Variants in DNAH14 observed in about 807,000 individuals in gnomAD.
DNAH14 encodes the protein dynein axonemal heavy chain 14, also known as axonemal beta dynein heavy chain 14.
A neutral mutation model predicts 520.9 loss-of-function variants in DNAH14; 478 were observed. The observed-to-expected ratio is 0.92, with a 90% confidence interval of 0.85 to 0.99. The LOEUF is 0.99. Among genes scored for constraint, DNAH14 ranks in the 50% least tolerant of loss-of-function variants. DNAH14 has a pLI of 0.00. For missense variants in DNAH14, 4,831 were observed against 5,234.5 expected, an observed-to-expected ratio of 0.92 and a Z score of 2.38; for synonymous variants, 1,581 against 1,757.2, an observed-to-expected ratio of 0.90 and a Z score of 2.51.
At chr1:225,323,410 A>G (rs1011903372) in intron 62 of DNAH14, among the ~76,000 whole-genome samples, 6 of 152,352 alleles carry the variant, frequency 3.9e-5, no homozygotes. Flanking sequence ...TAGCAATAGC[A>G]GGATGTTAAC....
intron 83 of DNAH14, 101 bp from the exon 84 acceptor site, chr1:225,392,190 C>A: frequency 7.3e-7 from 1 of 1,365,256 alleles, no homozygotes; most frequent in Non-Finnish European, 9.9e-7. Context: ...TCTTTTTCCT[C>A]CACTCTTCCC....
intron 20 of DNAH14, among the ~76,000 whole-genome samples, chr1:225,085,126 C>T (rs530899185): frequency 4.3e-4 from 65 of 152,090 alleles, no homozygotes; most frequent in Admixed American, 9.8e-4. Context: ...TTAACACCAT[C>T]GAGATGACAT....
intron 1 of DNAH14, among the ~76,000 whole-genome samples, chr1:224,932,705 GTTC>G (rs1210105701): frequency 6.6e-6 from 1 of 152,048 alleles, no homozygotes; most frequent in Non-Finnish European, 1.5e-5. Context: ...TCCAATGTAG[GTTC>G]TTGTCAGTTT....
chr1:225,102,158 G>T (rs1251488061), intron 23 of DNAH14, among the ~76,000 whole-genome samples: 2 of 150,496 alleles, frequency 1.3e-5, no homozygotes, highest in Admixed American at 1.3e-4. Context: ...TTTTCTCCTT[G>T]CGATAGTTTG....
intron 17 of DNAH14, among the ~76,000 whole-genome samples, chr1:225,055,849 C>T (rs1400262635): frequency 1.3e-5 from 2 of 151,924 alleles, no homozygotes; most frequent in Admixed American, 6.6e-5. Context: ...TCCATGTCCC[C>T]ACAAAGGACA....
chr1:225,122,987 C>T (rs1057146883), intron 26 of DNAH14, among the ~76,000 whole-genome samples: 3 of 151,914 alleles, frequency 2.0e-5, no homozygotes, highest in East Asian at 3.9e-4. Flanking sequence ...TATCATTGAC[C>T]GATTTGACTA....
intron 20 of DNAH14, 70 bp from the exon 21 acceptor site, chr1:225,085,474 A>G (rs2073652310): frequency 7.3e-7 from 1 of 1,364,178 alleles, no homozygotes; most frequent in Non-Finnish European, 9.8e-7. Context: ...TTGCATTTAA[A>G]ATTTCCATTT....
intron 58 of DNAH14, among the ~76,000 whole-genome samples, chr1:225,306,078 G>A (rs2094235381): frequency 1.3e-5 from 2 of 152,234 alleles, no homozygotes; most frequent in South Asian, 4.1e-4. Context: ...AGGGCAATGT[G>A]ATATTTCATC....
chr1:225,138,954 C>T (rs2079198471), intron 27 of DNAH14, among the ~76,000 whole-genome samples: 1 of 151,868 alleles, frequency 6.6e-6, no homozygotes, highest in African/African-American at 2.4e-5. Flanking sequence ...TCTAATCGGT[C>T]ATCTTAACCC....
chr1:225,124,843 A>G (rs1476680282), intron 27 of DNAH14, among the ~76,000 whole-genome samples: 2 of 152,174 alleles, frequency 1.3e-5, no homozygotes, highest in Non-Finnish European at 2.9e-5. Flanking sequence ...ATCACTATCT[A>G]TGGAAGCTAT....
At chr1:225,388,551 T>A (rs2095867654) in intron 82 of DNAH14, 60 bp downstream of exon 82, 1 of 977,094 alleles carries the variant, frequency 1.0e-6, no homozygotes. Context: ...CAAAGGTTTA[T>A]GACATCATTT....
chr1:225,344,692 T>TTTATTTATTTAC (rs1336093016), intron 69 of DNAH14, among the ~76,000 whole-genome samples: 3,318 of 11,326 alleles, frequency 0.29, 222 homozygotes, highest in East Asian at 0.56. Flanking sequence ...TAGCCATTCT[T>TTTATTTATTTAC]TTATTTATTT....
intron 23 of DNAH14, among the ~76,000 whole-genome samples, chr1:225,114,904 C>T (rs2076755939): frequency 6.6e-6 from 1 of 152,168 alleles, no homozygotes; most frequent in South Asian, 2.1e-4. Flanking sequence ...TCTTAAGTGT[C>T]TCTTTCAGCA....
intron 43 of DNAH14, among the ~76,000 whole-genome samples, chr1:225,242,082 T>A (rs1268255935): frequency 6.6e-6 from 1 of 151,906 alleles, no homozygotes; most frequent in African/African-American, 2.4e-5. Context: ...AGTGAATAAA[T>A]AAAAAGCCAG....
rs977722235 is a variant in DNAH14 at position 225,303,080 on chromosome 1, C to T, written c.8632-76C>T. The T allele has an allele frequency of 1.2e-5, 13 of 1,100,392 alleles. No homozygotes were observed. The African/African-American group carries it at 2.1e-4, about 17-fold the overall frequency. The allele number at this position is 1,100,392 out of a possible 1,614,324, so 68.2% of individuals were successfully genotyped here. A position where few individuals can be genotyped will look rare whatever the true frequency, so the allele number is the denominator to read the frequency against. Reference sequence around the variant, plus strand: ...AAGGAAAGATCTGAAATATGTTTTCCATGGAATTTTTAATATAATATTTTT... The same window carrying T: ...AAGGAAAGATCTGAAATATGTTTTCTATGGAATTTTTAATATAATATTTTT... On this transcript the variant is annotated intron_variant, in intron 56 of 85. Coordinates refer to ENST00000682510, the MANE Select transcript of DNAH14 (RefSeq NM_001367479.1).
chr1:225,344,374 TCTC>T (rs1194148041), intron 69 of DNAH14, among the ~76,000 whole-genome samples: 1 of 152,148 alleles, frequency 6.6e-6, no homozygotes, highest in Non-Finnish European at 1.5e-5. Flanking sequence ...TTCTCTCCCT[TCTC>T]CTACTCACTA....
chr1:225,098,964 C>T (rs761748824), intron 22 of DNAH14, among the ~76,000 whole-genome samples: 1 of 152,054 alleles, frequency 6.6e-6, no homozygotes, highest in Admixed American at 6.6e-5. Flanking sequence ...ATGATGAGCC[C>T]TGATACCAGG....
chr1:225,298,568 C>T (rs1469979569), intron 55 of DNAH14, among the ~76,000 whole-genome samples: 2 of 152,144 alleles, frequency 1.3e-5, no homozygotes, highest in African/African-American at 4.8e-5. Context: ...CATATAGACA[C>T]CCATGTGGAC....
At chr1:224,981,083 C>G (rs2062234997) in intron 8 of DNAH14, among the ~76,000 whole-genome samples, 1 of 146,622 alleles carries the variant, frequency 6.8e-6, no homozygotes, top group Admixed American at 6.9e-5. Flanking sequence ...TGTGGTGAAT[C>G]ACATTTATTG....
Sources: allele counts gnomAD v4.1 joint callset (sites outside exome capture counted in the v4.1 genomes callset), GRCh38; gene constraint gnomAD v4.1.1; transcripts MANE v1.5; gene names NCBI Gene and HGNC (gene_info 2026-07-23, HGNC 2026-07-21).